The following NHSL2 variants were observed in gnomAD, a reference collection of about 807,000 sequenced individuals.
NHSL2 encodes NHS like 2.
In NHSL2, 27 loss-of-function variants were observed where a neutral mutation model predicts 53.4. The observed-to-expected ratio is 0.51, with a 90% confidence interval of 0.37 to 0.70. The LOEUF is 0.70. NHSL2 is among the 30% of genes least tolerant of loss of function. The probability of loss-of-function intolerance (pLI) is 0.00; values close to 1 mark genes in which losing one functional copy is unlikely to be tolerated. For synonymous variants in NHSL2, 408 were observed against 404.1 expected (o/e 1.01, Z -0.12); for missense variants, 892 against 980.1 (o/e 0.91, Z 1.20).
intron 1 of NHSL2, among the ~76,000 whole-genome samples, chrX:71,983,605 T>C (rs1259731764): frequency 9.1e-6 from 1 of 109,330 alleles, no homozygotes; most frequent in Non-Finnish European, 1.9e-5. Flanking sequence ...AGTGAGACCC[T>C]GTCTCTAAAA....
Position 72,093,721 on chromosome X carries a change from G to GCTTTCTTT in NHSL2, c.281-38305_281-38298dup, listed in dbSNP as rs545225009. On this transcript the variant is annotated intron_variant, in intron 1 of 7. Coordinates refer to ENST00000633930, the MANE Select transcript of NHSL2 (RefSeq NM_001013627.3). The stretch of plus-strand genomic sequence containing the variant: ...AATATTCCCCTAGTATAGCTTGCTT[G>GCTTTCTTT]CTTTCTTTCTTTCTTTCTTTCTTTC... Among the ~76,000 whole-genome samples the GCTTTCTTT allele has an allele frequency of 4.2e-3, 403 of 95,310 alleles. 1 individual carries two copies. The highest frequency in any genetic ancestry group is 0.013 in the East Asian group (36 of 2,719). 82.8% of individuals were successfully genotyped at this position (95,310 alleles called of 115,157 possible). A position where few individuals can be genotyped will look rare whatever the true frequency, so the allele number is the denominator to read the frequency against.
At position 72,139,170 on chromosome X, in the gene NHSL2, C is replaced by A; in HGVS notation, c.1622C>A (p.Ala541Asp). The A allele has an allele frequency of 8.5e-7, 1 of 1,174,269 alleles. No homozygotes were observed. The highest frequency in any genetic ancestry group is 3.2e-5 in the East Asian group (1 of 31,298). ...SEGSNSADNI[A>D]SLSAQQEAQH... is the part of the protein sequence containing the mutation. ...GGCAGTAACAGTGCTGACAACATTG[C>A]CTCCCTTAGTGCCCAGCAAGAGGCC... Residue 541 changes from alanine (A) to aspartate (D), a missense_variant, in exon 6 of 8, where the codon GCC (alanine) becomes GAC (aspartate). By Grantham distance (126) the Ala-to-Asp change is moderately radical (BLOSUM62 -2). Transcript: ENST00000633930.
intron 1 of NHSL2, among the ~76,000 whole-genome samples, chrX:71,981,048 G>A (rs1363313423): frequency 8.9e-6 from 1 of 112,250 alleles, no homozygotes; most frequent in Admixed American, 9.4e-5. Context: ...ATAACTGTAA[G>A]AGCTCAAGCT....
chrX:72,141,876 A>C (rs931278190), intron 6 of NHSL2, among the ~76,000 whole-genome samples: 3 of 112,027 alleles, frequency 2.7e-5, no homozygotes, highest in Non-Finnish European at 3.8e-5. Flanking sequence ...CTGAGATTCA[A>C]ATAGGTTCCA....
intron 1 of NHSL2, among the ~76,000 whole-genome samples, chrX:71,961,197 T>C (rs2041865867): frequency 8.9e-6 from 1 of 112,080 alleles, no homozygotes; most frequent in African/African-American, 3.2e-5. Context: ...TGATAATGTA[T>C]AGAAGTACAA....
chrX:71,997,917 G>A (rs867050034), intron 1 of NHSL2, among the ~76,000 whole-genome samples: 1 of 105,781 alleles, frequency 9.5e-6, no homozygotes, highest in African/African-American at 4.0e-5. Flanking sequence ...GTTAGTTTTT[G>A]TTGTTATCTT....
At chrX:72,074,334 GC>G (rs1259238581) in intron 1 of NHSL2, among the ~76,000 whole-genome samples, 6 of 112,793 alleles carry the variant, frequency 5.3e-5, no homozygotes, top group African/African-American at 1.3e-4. Flanking sequence ...TATGGTGGAA[GC>G]TAAAATGGCA....
chrX:72,000,521 C>T (rs1274228721), intron 1 of NHSL2, among the ~76,000 whole-genome samples: 3 of 112,227 alleles, frequency 2.7e-5, no homozygotes, highest in Non-Finnish European at 5.6e-5. Context: ...GGAGGGCAGA[C>T]GTCTGAGATT....
chrX:72,149,041 G>A lies in NHSL2; in HGVS notation c.*5467G>A, dbSNP rs759939238. ...TCTTGGTCAGGCATATGTTTGCTTG[G>A]TTTTAAGAAATTATCAGATTGAGGA... On this transcript the variant is annotated 3_prime_UTR_variant, in exon 8 of 8. Transcript: ENST00000633930. The A allele has an allele frequency of 9.1e-6, 1 of 110,032 alleles. No individual in the cohort carries two copies. The highest frequency in any genetic ancestry group is 1.9e-5 in the Non-Finnish European group (1 of 52,765). The allele number at this position is 110,032 out of a possible 1,213,427, so 9.1% of individuals were successfully genotyped here.
chrX:71,947,756 G>A (rs191801275), intron 1 of NHSL2, among the ~76,000 whole-genome samples: 85 of 112,386 alleles, frequency 7.6e-4, no homozygotes, highest in Admixed American at 1.9e-3. Context: ...AACCTGGATG[G>A]AGTTGGAGAC....
At chrX:72,119,392 A>T (rs777139690) in intron 1 of NHSL2, among the ~76,000 whole-genome samples, 7 of 112,094 alleles carry the variant, frequency 6.2e-5, no homozygotes, top group Non-Finnish European at 1.1e-4. Flanking sequence ...AAGTATTTTG[A>T]TCCATGAACA....
rs141965494 is a variant in NHSL2, at chrX:72,136,896, C to T, written c.761-198C>T. Reference sequence around the variant, plus strand: ...ACTGCCCCAGGCCACCTAAAACTTACAGGCAACCTGGGTGCAGCCTGGGAA... The same window carrying T: ...ACTGCCCCAGGCCACCTAAAACTTATAGGCAACCTGGGTGCAGCCTGGGAA... On this transcript the variant is annotated intron_variant, in intron 4 of 7. Coordinates refer to ENST00000633930, the MANE Select transcript of NHSL2 (RefSeq NM_001013627.3). Among the ~76,000 whole-genome samples the T allele has an allele frequency of 5.3e-3, 592 of 112,317 alleles. 7 individuals carry two copies. Among genetic ancestry groups the T allele is most frequent in the African/African-American group, 0.018 (564 of 30,901 alleles).
At chrX:72,048,987 G>GAGAAGAAGAAGAAGA (rs1297031122) in intron 1 of NHSL2, among the ~76,000 whole-genome samples, 6 of 35,539 alleles carry the variant, frequency 1.7e-4, no homozygotes, top group African/African-American at 4.2e-4. Context: ...GAAGAAGGAG[G>GAGAAGAAGAAGAAGA]AGAAGAAGAA....
At chrX:72,120,733 T>C (rs1438772691) in intron 1 of NHSL2, among the ~76,000 whole-genome samples, 1 of 112,583 alleles carries the variant, frequency 8.9e-6, no homozygotes, top group African/African-American at 3.2e-5. Flanking sequence ...TCTACACTCC[T>C]GCATGTGGAG....
chrX:72,090,225 G>A (rs2041884649), intron 1 of NHSL2, among the ~76,000 whole-genome samples: 1 of 110,419 alleles, frequency 9.1e-6, no homozygotes, highest in African/African-American at 3.3e-5. Context: ...CACCTCACCC[G>A]GCTAATTTTT....
intron 1 of NHSL2, among the ~76,000 whole-genome samples, chrX:72,014,460 T>A (rs765950433): frequency 3.6e-5 from 4 of 111,947 alleles, no homozygotes; most frequent in East Asian, 2.8e-4. Context: ...TTTAGTTGCA[T>A]CTCATAAATT....
rs768312794 is a variant in NHSL2 at position 72,129,904 on chromosome X, C to T, written c.281-2175C>T. On this transcript the variant is annotated intron_variant, in intron 1 of 7. Coordinates refer to ENST00000633930, the MANE Select transcript of NHSL2 (RefSeq NM_001013627.3). ...AGTGAGGCGGAAAAGCACAGGGGGGCGTCTTCGAACTTGGCGTTGTCCTAA... is the reference window on the plus strand; with the variant it reads ...AGTGAGGCGGAAAAGCACAGGGGGGTGTCTTCGAACTTGGCGTTGTCCTAA... 12 of 1,210,231 alleles carry T rather than the reference C, an allele frequency of 9.9e-6. No individual in the cohort carries two copies. The highest frequency in any genetic ancestry group is 6.5e-5 in the Admixed American group (3 of 46,017).
chrX:72,075,496 G>A (rs186463493), intron 1 of NHSL2, among the ~76,000 whole-genome samples: 74 of 112,304 alleles, frequency 6.6e-4, no homozygotes, highest in Non-Finnish European at 1.2e-3. Flanking sequence ...AGCAAGCAAA[G>A]CTTTCTAGTT....
In NHSL2 at chrX:72,013,536, C is replaced by CTT. The variant is rs60217492; in HGVS notation, c.280+102181_280+102182dup. On this transcript the variant is annotated intron_variant, in intron 1 of 7. Coordinates refer to ENST00000633930, the MANE Select transcript of NHSL2 (RefSeq NM_001013627.3). Reference sequence around the variant, plus strand: ...CATGTTTTATCTTTTCTTTTTTCTTCTTTTTTTTTTTTTGCCTTATTACAC... The same window carrying CTT: ...CATGTTTTATCTTTTCTTTTTTCTTCTTTTTTTTTTTTTTTGCCTTATTACAC... Among the ~76,000 whole-genome samples the CTT allele has an allele frequency of 9.2e-4, 89 of 96,746 alleles. 1 individual carries two copies. The highest frequency in any genetic ancestry group is 3.0e-3 in the African/African-American group (80 of 26,716). The allele number at this position is 96,746 out of a possible 115,157, so 84.0% of individuals were successfully genotyped here.
Sources: allele counts gnomAD v4.1 joint callset (sites outside exome capture counted in the v4.1 genomes callset), GRCh38; gene constraint gnomAD v4.1.1; transcripts MANE v1.5; gene names NCBI Gene and HGNC (gene_info 2026-07-23, HGNC 2026-07-21).